The following NOX3 variants were observed in gnomAD, a reference collection of about 807,000 sequenced individuals.
NOX3 encodes NADPH oxidase catalytic subunit-like 3.
Under a neutral mutation model 76.7 loss-of-function variants are expected in NOX3, and 74 were observed. The observed-to-expected ratio is 0.96, with a 90% CI of 0.80 to 1.17. The LOEUF is 1.17. Among genes scored for constraint, NOX3 ranks in the 50% most tolerant of loss-of-function variants. The pLI is 0.00. For missense variants in NOX3, 695 were observed against 703.3 expected (o/e 0.99, Z 0.13); for synonymous variants, 263 against 261.1 (o/e 1.01, Z -0.07).
intron 9 of NOX3, among the ~76,000 whole-genome samples, chr6:155,427,028 T>TGTGTGTGTGTGG (rs796489805): frequency 8.2e-6 from 1 of 121,754 alleles, no homozygotes; most frequent in African/African-American, 3.3e-5. Flanking sequence ...TGTGTGTGTG[T>TGTGTGTGTGTGG]GCTGGGGGGG....
At position 155,455,037 on chromosome 6, in the gene NOX3, CA is replaced by C; in HGVS notation, c.140del (p.Leu47TrpfsTer15). On this transcript the variant is annotated frameshift_variant, in exon 2 of 14. Coordinates refer to ENST00000159060, the MANE Select transcript of NOX3 (RefSeq NM_015718.3). LOFTEE classifies it high-confidence loss of function. Reference sequence around the variant, plus strand: ...TTTAATCATAAACTGTACTTACACCCAAAATAACTCGTGTGTAATGGAAAGA... The same window carrying C: ...TTTAATCATAAACTGTACTTACACCCAAATAACTCGTGTGTAATGGAAAGA... ...EESFHYTRVI[L>X]GSTLAWARAS... The C allele has an allele frequency of 6.2e-7, 1 of 1,608,488 alleles. No individual in the cohort carries two copies. Among genetic ancestry groups the C allele is most frequent in the Non-Finnish European group, 8.5e-7 (1 of 1,175,560 alleles).
At chr6:155,421,773 G>A (rs1294516393) in intron 10 of NOX3, among the ~76,000 whole-genome samples, 1 of 152,174 alleles carries the variant, frequency 6.6e-6, no homozygotes, top group African/African-American at 2.4e-5. Context: ...GGGGTTACAG[G>A]CATGAGCTAC....
At chr6:155,423,419 C>G (rs139288974) in intron 9 of NOX3, among the ~76,000 whole-genome samples, 1 of 152,260 alleles carries the variant, frequency 6.6e-6, no homozygotes, top group African/African-American at 2.4e-5. Flanking sequence ...ACTTCTAAAA[C>G]CCATTATTTT....
At chr6:155,438,278 T>C (rs986080508) in intron 6 of NOX3, among the ~76,000 whole-genome samples, 1 of 152,138 alleles carries the variant, frequency 6.6e-6, no homozygotes, top group Non-Finnish European at 1.5e-5. Flanking sequence ...CTACACACCA[T>C]CCACCTTGCC....
At position 155,407,571 on chromosome 6, in the gene NOX3, A is replaced by G. The variant is rs576718916; in HGVS notation, c.1456-317T>C. Among the ~76,000 whole-genome samples, 3 of 152,362 alleles carry G rather than the reference A, an allele frequency of 2.0e-5. No homozygotes were observed. In the South Asian group the frequency reaches 6.2e-4, roughly 32 times the overall value. On this transcript the variant is annotated intron_variant, in intron 11 of 13. Coordinates refer to ENST00000159060, the MANE Select transcript of NOX3 (RefSeq NM_015718.3). ...TAGTAAATGTGGTTAAGAGAAAGCA[A>G]GCACTAAACGACTTCCTTCTTTTCC...
At chr6:155,441,688 C>G (rs1776987667) in intron 5 of NOX3, among the ~76,000 whole-genome samples, 1 of 152,066 alleles carries the variant, frequency 6.6e-6, no homozygotes, top group Non-Finnish European at 1.5e-5. Flanking sequence ...TTGGTAGTAG[C>G]TTTATTATTT....
chr6:155,429,197 C>G (rs1776799915), intron 8 of NOX3, 150 bp from the exon 9 acceptor site: 1 of 704,532 alleles, frequency 1.4e-6, no homozygotes, highest in Non-Finnish European at 2.2e-6. Flanking sequence ...AAGATATGTG[C>G]CATCGCTTTC....
intron 4 of NOX3, among the ~76,000 whole-genome samples, chr6:155,451,627 A>T (rs1010730313): frequency 1.3e-5 from 2 of 151,036 alleles, no homozygotes; most frequent in African/African-American, 4.9e-5. Context: ...TTTCTGTTGT[A>T]TTTTTTTTTC....
intron 10 of NOX3, among the ~76,000 whole-genome samples, chr6:155,411,680 G>A (rs1776553957): frequency 6.6e-6 from 1 of 152,166 alleles, no homozygotes; most frequent in Non-Finnish European, 1.5e-5. Context: ...ATAACTAGCT[G>A]TGCCTTTCAC....
At chr6:155,414,112 C>T (rs910648134) in intron 10 of NOX3, among the ~76,000 whole-genome samples, 3 of 152,142 alleles carry the variant, frequency 2.0e-5, no homozygotes, top group South Asian at 2.1e-4. Flanking sequence ...GTAAGTGACA[C>T]TGGGCAGCTT....
rs17086264 is a variant in NOX3, at chr6:155,411,118, G to A, written c.1455+96C>T. 3.7e-4 allele frequency: 328 copies of A among 890,636 alleles called. No individual in the cohort carries two copies. Among genetic ancestry groups the A allele is most frequent in the Non-Finnish European group, 5.1e-4 (316 of 613,694 alleles). 55.2% of individuals were successfully genotyped at this position (890,636 alleles called of 1,614,324 possible). A position where few individuals can be genotyped will look rare whatever the true frequency, so the allele number is the denominator to read the frequency against. On this transcript the variant is annotated intron_variant, in intron 11 of 13. Transcript: ENST00000159060. ...AAGAACATAAAAATAATTCTGTCAT[G>A]CTATCAGAGTGCTACATAGCTCATT...
At chr6:155,453,135 T>C (rs1320237569) in intron 4 of NOX3, among the ~76,000 whole-genome samples, 1 of 152,252 alleles carries the variant, frequency 6.6e-6, no homozygotes, top group African/African-American at 2.4e-5. Context: ...AGTAAGTATT[T>C]ATTATTGTAT....
chr6:155,404,265 G>T (rs889687567), intron 12 of NOX3, among the ~76,000 whole-genome samples: 1 of 152,064 alleles, frequency 6.6e-6, no homozygotes, highest in African/African-American at 2.4e-5. Flanking sequence ...TCTCCTCTGG[G>T]TGGGTGTGAG....
intron 4 of NOX3, among the ~76,000 whole-genome samples, chr6:155,446,994 G>GT (rs965109798): frequency 2.0e-5 from 3 of 151,080 alleles, no homozygotes; most frequent in Non-Finnish European, 4.4e-5. Flanking sequence ...GGCAGGATAC[G>GT]TTTTTTATAT....
intron 6 of NOX3, 127 bp downstream of exon 6, chr6:155,439,829 T>C: frequency 1.5e-6 from 1 of 660,632 alleles, no homozygotes. Flanking sequence ...ACAGTCAATG[T>C]GCTTTTCACA....
intron 12 of NOX3, among the ~76,000 whole-genome samples, chr6:155,402,937 C>G (rs1261797772): frequency 6.6e-6 from 1 of 152,182 alleles, no homozygotes; most frequent in Non-Finnish European, 1.5e-5. Context: ...GAGCTAACGA[C>G]AGGACAGAAC....
intron 4 of NOX3, among the ~76,000 whole-genome samples, chr6:155,448,322 C>T (rs1488275611): frequency 6.6e-6 from 1 of 152,156 alleles, no homozygotes; most frequent in African/African-American, 2.4e-5. Context: ...GTTTCCAAAG[C>T]CAACTCTGGC....
intron 4 of NOX3, among the ~76,000 whole-genome samples, chr6:155,445,161 C>T (rs966070567): frequency 7.9e-5 from 12 of 152,184 alleles, no homozygotes; most frequent in African/African-American, 2.9e-4. Context: ...ATGAAACTCC[C>T]GCTGGGTGGC....
intron 9 of NOX3, among the ~76,000 whole-genome samples, chr6:155,426,800 A>G (rs1776759678): frequency 6.6e-6 from 1 of 152,174 alleles, no homozygotes; most frequent in Non-Finnish European, 1.5e-5. Flanking sequence ...CTGAGTAACC[A>G]GTACTGAGTT....
Sources: allele counts gnomAD v4.1 joint callset (sites outside exome capture counted in the v4.1 genomes callset), GRCh38; gene constraint gnomAD v4.1.1; transcripts MANE v1.5; gene names NCBI Gene and HGNC (gene_info 2026-07-23, HGNC 2026-07-21).